TENM1: variants seen among roughly 807,000 people sequenced by gnomAD.
The protein encoded by TENM1 is teneurin transmembrane protein 1.
Under a neutral mutation model 174.8 loss-of-function variants are expected in TENM1, and 35 were observed. That is an observed-to-expected ratio of 0.20 (90% CI 0.15 to 0.27). The LOEUF (loss-of-function observed/expected upper bound fraction) is 0.27. Among genes scored for constraint, TENM1 ranks in the 10% least tolerant of loss-of-function variants. TENM1 has a pLI of 1.00. For missense variants in TENM1, 1,633 were observed against 2,130.1 expected (o/e 0.77, Z 4.59); for synonymous variants, 781 against 798.7 (o/e 0.98, Z 0.37).
chrX:124,772,554 C>T (rs751389940), intron 3 of TENM1, among the ~76,000 whole-genome samples: 36 of 111,113 alleles, frequency 3.2e-4, no homozygotes, highest in Non-Finnish European at 6.0e-4. Flanking sequence ...AAAATTTGCC[C>T]CTTAAATGGC....
chrX:124,980,573 A>C, the TENM1 span, among the ~76,000 whole-genome samples: 1 of 111,749 alleles, frequency 8.9e-6, no homozygotes, highest in Non-Finnish European at 1.9e-5. Context: ...GGAAAACACT[A>C]GAAAACAATT....
chrX:124,963,824 GAGAAAGGGAAA>G, upstream of TENM1: 1 of 893,399 alleles, frequency 1.1e-6, no homozygotes, highest in Non-Finnish European at 1.6e-6. Flanking sequence ...AGTCCTGGAA[GAGAAAGGGAAA>G]AACACAAGCC....
intron 11 of TENM1, among the ~76,000 whole-genome samples, chrX:124,590,235 A>G (rs2049698912): frequency 9.0e-6 from 1 of 111,672 alleles, no homozygotes; most frequent in African/African-American, 3.3e-5. Flanking sequence ...AGATCTTCTC[A>G]GTATCAGCCC....
intron 14 of TENM1, among the ~76,000 whole-genome samples, chrX:124,553,967 GT>G (rs1043157095): frequency 3.6e-5 from 4 of 110,924 alleles, no homozygotes; most frequent in African/African-American, 1.3e-4. Flanking sequence ...TAGCTGGGGG[GT>G]GAGGGTGGCA....
chrX:124,953,265 A>G (rs181482936), intron 1 of TENM1, among the ~76,000 whole-genome samples: 41 of 112,141 alleles, frequency 3.7e-4, no homozygotes, highest in Admixed American at 6.6e-4. Flanking sequence ...AATAAAAGAG[A>G]AGCAGCATGT....
At chrX:124,853,418 G>A (rs1255841953) in intron 3 of TENM1, among the ~76,000 whole-genome samples, 1 of 111,295 alleles carries the variant, frequency 9.0e-6, no homozygotes, top group Admixed American at 9.6e-5. Flanking sequence ...GGCATTGAAA[G>A]TGTAAGCTCC....
exon 25 of TENM1, chrX:124,420,497 T>C: frequency 8.3e-7 from 1 of 1,212,070 alleles, no homozygotes; most frequent in East Asian, 3.0e-5. Flanking sequence ...TCCGCCTGCA[T>C]CACGGCGAAT....
chrX:124,439,624 C>T (rs1451132860), intron 23 of TENM1, among the ~76,000 whole-genome samples: 1 of 111,346 alleles, frequency 9.0e-6, no homozygotes, highest in Non-Finnish European at 1.9e-5. Flanking sequence ...ATATATGCCT[C>T]TCTGTAAAAG....
At chrX:125,065,044 G>A in the TENM1 span, among the ~76,000 whole-genome samples, 1 of 112,248 alleles carries the variant, frequency 8.9e-6, no homozygotes, top group African/African-American at 3.2e-5. Flanking sequence ...GTGGGATCAA[G>A]ATCTTGAAGC....
the TENM1 span, among the ~76,000 whole-genome samples, chrX:125,011,799 A>G: frequency 8.9e-6 from 1 of 111,732 alleles, no homozygotes; most frequent in African/African-American, 3.3e-5. Context: ...GGGATCTAGA[A>G]CCAGGAATAT....
the TENM1 span, among the ~76,000 whole-genome samples, chrX:125,201,748 T>A: frequency 1.2e-4 from 13 of 112,077 alleles, no homozygotes; most frequent in East Asian, 3.7e-3. Flanking sequence ...TCTTTAATCA[T>A]GAAAAGTTTT....
chrX:124,488,318 A>AT (rs763559755), intron 20 of TENM1, among the ~76,000 whole-genome samples: 49 of 112,414 alleles, frequency 4.4e-4, no homozygotes, highest in Middle Eastern at 9.1e-3. Context: ...AGAGATAACC[A>AT]TTTTTTTATC....
chrX:124,984,074 C>G, the TENM1 span, among the ~76,000 whole-genome samples: 1 of 112,465 alleles, frequency 8.9e-6, no homozygotes, highest in Non-Finnish European at 1.9e-5. Context: ...TCTGATATCA[C>G]CACCTTCAGT....
At chrX:124,514,786 G>A (rs1341944291) in intron 18 of TENM1, among the ~76,000 whole-genome samples, 5 of 110,888 alleles carry the variant, frequency 4.5e-5, no homozygotes, top group African/African-American at 1.3e-4. Flanking sequence ...AAGAACAGCT[G>A]GTACCATTCC....
At chrX:125,101,829 G>C in the TENM1 span, among the ~76,000 whole-genome samples, 1 of 111,465 alleles carries the variant, frequency 9.0e-6, no homozygotes, top group Non-Finnish European at 1.9e-5. Flanking sequence ...TCTTTCAGTA[G>C]GATACTGACC....
chrX:124,827,856 G>GT (rs1171257142), intron 3 of TENM1, among the ~76,000 whole-genome samples: 1 of 111,494 alleles, frequency 9.0e-6, no homozygotes, highest in Non-Finnish European at 1.9e-5. Flanking sequence ...CTATTCACAG[G>GT]TTTTCCCTCT....
At chrX:124,660,854 A>G (rs2051582299) in intron 6 of TENM1, among the ~76,000 whole-genome samples, 1 of 112,104 alleles carries the variant, frequency 8.9e-6, no homozygotes, top group Non-Finnish European at 1.9e-5. Context: ...CAGAATTACC[A>G]TATGACCCCG....
chrX:124,484,310 G>A (rs144448029), intron 21 of TENM1, among the ~76,000 whole-genome samples: 1,562 of 111,380 alleles, frequency 0.014, 35 homozygotes, highest in African/African-American at 0.047. Context: ...AATAGTGTTC[G>A]TCAGATTTCT....
chrX:124,791,000 G>A (rs1280677685), intron 3 of TENM1, among the ~76,000 whole-genome samples: 2 of 111,472 alleles, frequency 1.8e-5, no homozygotes, highest in Non-Finnish European at 3.8e-5. Flanking sequence ...TGCTAAATTA[G>A]CCTGAGCCCT....
Sources: allele counts gnomAD v4.1 joint callset (sites outside exome capture counted in the v4.1 genomes callset), GRCh38; gene constraint gnomAD v4.1.1; transcripts MANE v1.5; gene names NCBI Gene and HGNC (gene_info 2026-07-23, HGNC 2026-07-21).